DAB1: variants seen among roughly 807,000 people sequenced by gnomAD.
DAB1 encodes disabled homolog 1.
DAB1 carries 15 observed loss-of-function variants against 64.6 expected under a neutral mutation model. The ratio of observed to expected loss-of-function variants is 0.23; its 90% CI spans 0.16 to 0.36. The LOEUF is 0.36. Among genes scored for constraint, DAB1 ranks in the 10% least tolerant of loss-of-function variants. The pLI is 1.00. For synonymous variants in DAB1, 235 were observed against 251.9 expected (o/e 0.93, Z 0.64); for missense variants, 596 against 706.7 (o/e 0.84, Z 1.78).
chr1:58,494,598 A>G (rs1645761750), intron 3 of DAB1, among the ~76,000 whole-genome samples: 3 of 152,176 alleles, frequency 2.0e-5, no homozygotes, highest in Non-Finnish European at 4.4e-5. Context: ...CCCATCAAAA[A>G]GTGGGTGAAG....
chr1:57,641,734 T>TC (rs1187295044), intron 7 of DAB1, among the ~76,000 whole-genome samples: 3 of 152,244 alleles, frequency 2.0e-5, no homozygotes, highest in Admixed American at 2.0e-4. Context: ...CTATGATCTG[T>TC]CCAGAACAGA....
chr1:57,811,061 A>T (rs896837434), intron 6 of DAB1, among the ~76,000 whole-genome samples: 2 of 152,126 alleles, frequency 1.3e-5, no homozygotes, highest in African/African-American at 4.8e-5. Flanking sequence ...TTCTTCTATC[A>T]AATCTCCCCA....
At chr1:56,998,508 A>G (rs1162016812) in intron 14 of DAB1, among the ~76,000 whole-genome samples, 1 of 152,134 alleles carries the variant, frequency 6.6e-6, no homozygotes, top group Non-Finnish European at 1.5e-5. Flanking sequence ...GGAATTAGAG[A>G]TTACACATAT....
chr1:58,344,879 A>ATAT (rs10636224), intron 3 of DAB1, among the ~76,000 whole-genome samples: 135,484 of 151,876 alleles, frequency 0.89, 60,511 homozygotes, highest in East Asian at 1. Flanking sequence ...AATACTCAAA[A>ATAT]TATTATTCTC....
intron 2 of DAB1, among the ~76,000 whole-genome samples, chr1:57,221,462 G>A (rs1666867961): frequency 6.6e-6 from 1 of 151,118 alleles, no homozygotes; most frequent in African/African-American, 2.4e-5. Context: ...AAAAAGACAT[G>A]CTTAAGGTCA....
chr1:57,655,143 T>C (rs1558580037), intron 6 of DAB1, among the ~76,000 whole-genome samples: 1 of 152,194 alleles, frequency 6.6e-6, no homozygotes, highest in Non-Finnish European at 1.5e-5. Flanking sequence ...ACTATAATTT[T>C]ATCCCAAATT....
At chr1:57,881,843 T>A (rs953243246) in intron 1 of DAB1, among the ~76,000 whole-genome samples, 1 of 152,200 alleles carries the variant, frequency 6.6e-6, no homozygotes, top group African/African-American at 2.4e-5. Context: ...CACCACAATA[T>A]TTTACAGTGA....
At chr1:57,732,022 A>AG (rs1386973538) in intron 6 of DAB1, among the ~76,000 whole-genome samples, 1 of 152,146 alleles carries the variant, frequency 6.6e-6, no homozygotes, top group Non-Finnish European at 1.5e-5. Flanking sequence ...GGGTATGGGT[A>AG]GGGAAGGGCA....
At chr1:58,057,352 T>A (rs1648191596) in intron 5 of DAB1, among the ~76,000 whole-genome samples, 1 of 152,168 alleles carries the variant, frequency 6.6e-6, no homozygotes, top group African/African-American at 2.4e-5. Flanking sequence ...GAATATAACT[T>A]TCTTTGGAAG....
At chr1:57,957,654 C>T (rs931581212) in intron 5 of DAB1, among the ~76,000 whole-genome samples, 10 of 152,142 alleles carry the variant, frequency 6.6e-5, no homozygotes, top group African/African-American at 2.2e-4. Context: ...TGGACCACAC[C>T]GCAGTTCAGA....
intron 6 of DAB1, among the ~76,000 whole-genome samples, chr1:57,807,145 A>G (rs1284688225): frequency 6.6e-6 from 1 of 152,146 alleles, no homozygotes; most frequent in Admixed American, 6.5e-5. Context: ...TCCATTCTCC[A>G]TGTTTACACT....
chr1:57,903,588 G>A (rs556343771), intron 5 of DAB1, among the ~76,000 whole-genome samples: 8 of 152,106 alleles, frequency 5.3e-5, no homozygotes, highest in South Asian at 4.2e-4. Flanking sequence ...CTTTATTCCC[G>A]ATATTCCCAA....
intron 7 of DAB1, among the ~76,000 whole-genome samples, chr1:57,465,131 G>C (rs752682878): frequency 1.8e-4 from 27 of 152,110 alleles, no homozygotes; most frequent in Non-Finnish European, 3.1e-4. Context: ...ATTCCTGATG[G>C]AGTAGCTGTA....
rs559661238 is a variant in DAB1, at chr1:57,013,974, T to C, written c.1444+909A>G. Among the ~76,000 whole-genome samples the C allele has an allele frequency of 2.0e-5, 3 of 152,330 alleles. No homozygotes were observed. In the South Asian group the frequency reaches 6.2e-4, roughly 32 times the overall value. On this transcript the variant is annotated intron_variant, in intron 12 of 14. Transcript: ENST00000371236. ...ATAAAACTGAGTCTCAGAGAAGTCA[T>C]ACGCTTGCCCAAAGACACAGCTTGT... is the stretch of plus-strand genomic sequence containing the variant.
rs148609972 is a variant in DAB1 at position 57,448,401 on chromosome 1, C to T, written n.626-157235G>A. ...TGAAAAAGTTAAACCAGTTAAGCAA[C>T]AACACAAACTACTCTTCCCTACTAG... On this transcript the variant is annotated intron_variant and non_coding_transcript_variant, in intron 7 of 20. Transcript: ENST00000485760. Among the ~76,000 whole-genome samples the T allele has an allele frequency of 1.6e-3, 247 of 152,210 alleles. 1 individual carries two copies. Among genetic ancestry groups the T allele is most frequent in the Admixed American group, 0.015 (235 of 15,298 alleles).
At chr1:58,436,028 A>T (rs749038001) in intron 3 of DAB1, among the ~76,000 whole-genome samples, 4 of 152,274 alleles carry the variant, frequency 2.6e-5, no homozygotes, top group Admixed American at 2.6e-4. Context: ...CAGCCTGTTT[A>T]ACTGAGGTCC....
chr1:58,399,477 T>C (rs1228287802), intron 3 of DAB1, among the ~76,000 whole-genome samples: 2 of 152,072 alleles, frequency 1.3e-5, no homozygotes, highest in African/African-American at 4.8e-5. Context: ...ATAGGGAAAG[T>C]GCGATTTTTA....
intron 2 of DAB1, among the ~76,000 whole-genome samples, chr1:57,261,499 C>T (rs1670180934): frequency 6.6e-6 from 1 of 152,146 alleles, no homozygotes; most frequent in South Asian, 2.1e-4. Context: ...TGAATGTAAG[C>T]TCCATGAAGT....
intron 7 of DAB1, among the ~76,000 whole-genome samples, chr1:57,446,809 ACC>A (rs1044647907): frequency 6.6e-6 from 1 of 152,144 alleles, no homozygotes; most frequent in African/African-American, 2.4e-5. Context: ...ACAAGGGAGT[ACC>A]TGTGTTTGTT....
Sources: gnomAD v4.1 joint callset for allele counts (sites outside exome capture counted in the v4.1 genomes callset) on GRCh38, gnomAD v4.1.1 for gene constraint, MANE v1.5 for transcripts, NCBI Gene and HGNC (gene_info 2026-07-23, HGNC 2026-07-21) for gene names.